The following MYO19 variants were observed in gnomAD, a reference collection of about 807,000 sequenced individuals.
MYO19 encodes the protein myosin XIX, also known as unconventional myosin-XIX.
Under a neutral mutation model 129.2 loss-of-function variants are expected in MYO19, and 132 were observed. The observed-to-expected ratio is 1.02, with a 90% confidence interval of 0.89 to 1.18. The LOEUF is 1.18. Ranked by LOEUF, MYO19 falls within the 50% of genes most tolerant of loss-of-function variation. The pLI is 0.00. For missense variants in MYO19, 1,210 were observed against 1,216.7 expected (o/e 0.99, Z 0.08); for synonymous variants, 531 against 477.2 (o/e 1.11, Z -1.47).
At chr17:36,534,692 G>C (rs2074029589) in intron 1 of MYO19, 69 bp downstream of exon 1, 1 of 152,572 alleles carries the variant, frequency 6.6e-6, no homozygotes, top group Middle Eastern at 3.4e-3. Flanking sequence ...ACCGCTGCGG[G>C]GCAAACTGGC....
chr17:36,506,901 G>C (rs772498432), intron 17 of MYO19, 62 bp downstream of exon 17: 1 of 1,458,086 alleles, frequency 6.9e-7, no homozygotes. Context: ...TACTATGTCT[G>C]CATAGCAAAG....
intron 15 of MYO19, 79 bp from the exon 16 acceptor site, chr17:36,507,591 G>A (rs1385543945): frequency 6.9e-7 from 1 of 1,440,262 alleles, no homozygotes; most frequent in South Asian, 1.1e-5. Context: ...GCTGGCCTCG[G>A]TACCACAGCG....
intron 13 of MYO19, 62 bp downstream of exon 13, chr17:36,510,684 C>G: frequency 1.3e-6 from 2 of 1,509,652 alleles, no homozygotes; most frequent in Non-Finnish European, 1.8e-6. Context: ...TCTGGCCCAA[C>G]CCCGGACAGG....
chr17:36,526,518 C>T (rs2073475482), intron 5 of MYO19, among the ~76,000 whole-genome samples: 1 of 152,210 alleles, frequency 6.6e-6, no homozygotes, highest in Non-Finnish European at 1.5e-5. Context: ...GAATAAGTTA[C>T]TTTCCTCAGC....
intron 8 of MYO19, 52 bp from the exon 9 acceptor site, chr17:36,514,600 A>T (rs2072611688): frequency 4.1e-6 from 5 of 1,231,408 alleles, no homozygotes; most frequent in Non-Finnish European, 4.8e-6. Flanking sequence ...TTCCATAGCC[A>T]TGTCTGGCAA....
chr17:36,497,297 C>T (rs117577105), intron 25 of MYO19, among the ~76,000 whole-genome samples: 4,199 of 150,614 alleles, frequency 0.028, 82 homozygotes, highest in South Asian at 0.071. Flanking sequence ...AGTGAGACTC[C>T]GTCTCAAAAA....
rs116659313 is a variant in MYO19, at chr17:36,528,047, G to C, written c.151+17C>G. ...ACCTCCTGGAGATGATACTCCTGAGGAATGGGAGGCCCATACCTGTCTCTA... is the reference window on the plus strand; with the variant it reads ...ACCTCCTGGAGATGATACTCCTGAGCAATGGGAGGCCCATACCTGTCTCTA... On this transcript the variant is annotated intron_variant, in intron 4 of 25. Coordinates refer to ENST00000614623, the MANE Select transcript of MYO19 (RefSeq NM_001163735.2). 1.9e-6 allele frequency: 3 copies of C among 1,606,564 alleles called. No individual in the cohort carries two copies. The South Asian group carries it at 3.3e-5, about 18-fold the overall frequency.
At chr17:36,520,255 C>T (rs1334457830) in intron 6 of MYO19, among the ~76,000 whole-genome samples, 1 of 152,132 alleles carries the variant, frequency 6.6e-6, no homozygotes, top group Admixed American at 6.6e-5. Context: ...GGATTACAGG[C>T]GTGAACTACT....
chr17:36,539,642 T>C (rs1294135017), upstream of MYO19, among the ~76,000 whole-genome samples: 1 of 152,110 alleles, frequency 6.6e-6, no homozygotes, highest in Non-Finnish European at 1.5e-5. Flanking sequence ...TGTTATATTA[T>C]AGCTTATACA....
chr17:36,521,395 C>T (rs1252476147), intron 6 of MYO19, among the ~76,000 whole-genome samples: 1 of 151,472 alleles, frequency 6.6e-6, no homozygotes, highest in Non-Finnish European at 1.5e-5. Flanking sequence ...ATTCGAAGTT[C>T]CAAAGAATTG....
chr17:36,500,891 C>T lies in MYO19; in HGVS notation c.2316G>A (p.Trp772Ter), dbSNP rs751651417. ...EQCARCIQGG[W>*]RRHRHREQER... The stretch of plus-strand genomic sequence containing the variant: ...CCTGCTCTCGGTGCCGGTGTCGCCT[C>T]CAGCCACCCTGGATGCAGCGGGCAC... The change falls in exon 23 of 26, where the codon TGG becomes TGA. Residue 772 changes from tryptophan to a stop codon, truncating the protein, a stop_gained. Coordinates refer to ENST00000614623, the MANE Select transcript of MYO19 (RefSeq NM_001163735.2). LOFTEE classifies it high-confidence loss of function. The T allele has an allele frequency of 1.1e-5, 17 of 1,607,910 alleles. No individual in the cohort carries two copies. In the Admixed American group the frequency reaches 2.8e-4, roughly 27 times the overall value.
At chr17:36,497,519 TTTC>T (rs2071100043) in intron 25 of MYO19, 2 of 984,886 alleles carry the variant, frequency 2.0e-6, no homozygotes, top group Non-Finnish European at 2.4e-6. Context: ...TCTTGGGTAG[TTTC>T]TTTTTTGCTA....
intron 6 of MYO19, among the ~76,000 whole-genome samples, chr17:36,517,981 T>G (rs1340828732): frequency 6.6e-6 from 1 of 151,416 alleles, no homozygotes. Flanking sequence ...TTCCAGCTAC[T>G]AGGGAGACTG....
At chr17:36,540,292 C>T (rs2074190144) in intron 2 of MYO19, among the ~76,000 whole-genome samples, 1 of 152,042 alleles carries the variant, frequency 6.6e-6, no homozygotes, top group Admixed American at 6.5e-5. Flanking sequence ...TTCACGTGAT[C>T]CTCCCATCAC....
chr17:36,514,565 C>A lies in MYO19; in HGVS notation c.618-17G>T. The A allele has an allele frequency of 6.5e-7, 1 of 1,541,718 alleles. No individual in the cohort carries two copies. The highest frequency in any genetic ancestry group is 9.0e-7 in the Non-Finnish European group (1 of 1,115,118). On this transcript the variant is annotated splice_polypyrimidine_tract_variant and intron_variant, in intron 8 of 25. Coordinates refer to ENST00000614623, the MANE Select transcript of MYO19 (RefSeq NM_001163735.2). ...TGCTGAGCCCTGGGACACACACAGG[C>A]CAGAGCCCGTTAGTTGCCCATTCAT...
At position 36,510,803 on chromosome 17, in the gene MYO19, C is replaced by G; in HGVS notation, c.1100G>C (p.Cys367Ser). The G allele has an allele frequency of 6.2e-7, 1 of 1,601,636 alleles. No homozygotes were observed. Among genetic ancestry groups the G allele is most frequent in the East Asian group, 2.3e-5 (1 of 44,268 alleles). ...GRQQQVFRKPCARAECDTRRD... is the reference protein window; with the variant it reads ...GRQQQVFRKPSARAECDTRRD... ...ACGGGTGTCACACTCGGCTCGGGCG[C>G]AGGGCTTCCGGAACACCTGCTGCTG... Residue 367 changes from cysteine to serine, a missense_variant, in exon 13 of 26, where the codon TGC becomes TCC. By Grantham distance (112) the Cys-to-Ser change is moderately radical. Transcript: ENST00000614623.
intron 6 of MYO19, among the ~76,000 whole-genome samples, chr17:36,522,632 G>A (rs1182775978): frequency 6.6e-6 from 1 of 152,198 alleles, no homozygotes; most frequent in Non-Finnish European, 1.5e-5. Flanking sequence ...CACTTTGGGA[G>A]GCCAACGCGG....
At chr17:36,504,844 C>T (rs2071765257) in intron 19 of MYO19, 2 of 205,170 alleles carry the variant, frequency 9.7e-6, no homozygotes, top group East Asian at 1.2e-4. Flanking sequence ...ACTCGGGAGG[C>T]GGAAGTTGCA....
Position 36,502,154 on chromosome 17 carries a change from GC to G in MYO19, c.2081-920del, listed in dbSNP as rs533842316. On this transcript the variant is annotated intron_variant, in intron 21 of 25. Transcript: ENST00000614623. ...TGGGCTGGGGTCCTGCCGAGGCGGG[GC>G]CCCCCGGCAGCCTGTCCTTGGCCTG... 2.2e-3 allele frequency among the ~76,000 whole-genome samples: 329 copies of G among 152,226 alleles called. 2 individuals carry two copies. Among genetic ancestry groups the G allele is most frequent in the African/African-American group, 7.6e-3 (317 of 41,542 alleles).
Sources: gnomAD v4.1 joint callset for allele counts (sites outside exome capture counted in the v4.1 genomes callset) on GRCh38, gnomAD v4.1.1 for gene constraint, MANE v1.5 for transcripts, NCBI Gene and HGNC (gene_info 2026-07-23, HGNC 2026-07-21) for gene names.